Variants in NOS1AP observed in about 807,000 individuals in gnomAD.
NOS1AP encodes carboxyl-terminal PDZ ligand of neuronal nitric oxide synthase protein.
Under a neutral mutation model 56.2 loss-of-function variants are expected in NOS1AP, and 21 were observed. That is an observed-to-expected ratio of 0.37 (90% CI 0.26 to 0.54). NOS1AP has a LOEUF of 0.54. NOS1AP is among the 20% of genes least tolerant of loss of function. The probability of loss-of-function intolerance (pLI) is 0.84; values close to 1 mark genes in which losing one functional copy is unlikely to be tolerated. For missense variants in NOS1AP, 522 were observed against 657.8 expected (o/e 0.79, Z 2.26); for synonymous variants, 270 against 274.6 (o/e 0.98, Z 0.17).
rs193246844 is a variant in NOS1AP at position 162,136,795 on chromosome 1, A to C, written c.106-17610A>C. 1.2e-4 allele frequency among the ~76,000 whole-genome samples: 19 copies of C among 152,318 alleles called. No individual in the cohort carries two copies. In the South Asian group the frequency reaches 3.7e-3, roughly 30 times the overall value. On this transcript the variant is annotated intron_variant, in intron 1 of 9. Coordinates refer to ENST00000361897, the MANE Select transcript of NOS1AP (RefSeq NM_014697.3). ...AAATTGCTTCTCAGCTGGCTGTAGT[A>C]TGAAGGGAGTTGCCTTGGAGCATAC...
chr1:162,174,049 C>CTAA (rs1650937973), intron 2 of NOS1AP, among the ~76,000 whole-genome samples: 1 of 152,106 alleles, frequency 6.6e-6, no homozygotes, highest in African/African-American at 2.4e-5. Context: ...CCCAGCCATC[C>CTAA]CATTACTGGG....
At chr1:162,178,332 A>C (rs1211871227) in intron 2 of NOS1AP, among the ~76,000 whole-genome samples, 1 of 152,222 alleles carries the variant, frequency 6.6e-6, no homozygotes, top group Admixed American at 6.5e-5. Flanking sequence ...TTTTGTGTGG[A>C]CATAAGTTTT....
At chr1:162,357,267 T>G in intron 8 of NOS1AP, 131 bp downstream of exon 8, 1 of 1,481,104 alleles carries the variant, frequency 6.8e-7, no homozygotes, top group Non-Finnish European at 9.1e-7. Context: ...ATTGGATCAT[T>G]GCTTGTTGGG....
intron 1 of NOS1AP, among the ~76,000 whole-genome samples, chr1:162,099,293 T>C (rs1692325422): frequency 2.0e-5 from 3 of 151,830 alleles, no homozygotes; most frequent in African/African-American, 7.3e-5. Flanking sequence ...GTTCACGCCA[T>C]TCTCCTGCCT....
At chr1:162,198,469 G>T (rs1651879210) in intron 2 of NOS1AP, among the ~76,000 whole-genome samples, 1 of 152,070 alleles carries the variant, frequency 6.6e-6, no homozygotes, top group African/African-American at 2.4e-5. Context: ...ACATTTCCAG[G>T]GCTGGATTTA....
intron 1 of NOS1AP, among the ~76,000 whole-genome samples, chr1:162,119,440 A>G (rs566076145): frequency 1.3e-5 from 2 of 152,290 alleles, no homozygotes; most frequent in East Asian, 3.9e-4. Flanking sequence ...CCTTGCTTTT[A>G]GTTTCTGTTT....
intron 1 of NOS1AP, among the ~76,000 whole-genome samples, chr1:162,096,257 G>C (rs1158405364): frequency 6.6e-6 from 1 of 152,160 alleles, no homozygotes; most frequent in African/African-American, 2.4e-5. Flanking sequence ...TGTTCAGAGA[G>C]CTCCAATGAT....
At chr1:162,075,774 CT>C (rs11398400) in intron 1 of NOS1AP, among the ~76,000 whole-genome samples, 2 of 149,726 alleles carry the variant, frequency 1.3e-5, no homozygotes, top group East Asian at 2.0e-4. Context: ...GCCCAGACTA[CT>C]TTTTTTTTTG....
At chr1:162,255,598 A>G (rs1438550263) in intron 2 of NOS1AP, among the ~76,000 whole-genome samples, 1 of 135,366 alleles carries the variant, frequency 7.4e-6, no homozygotes, top group East Asian at 2.2e-4. Context: ...TTCCACTGCT[A>G]TGTGTAAGAT....
chr1:162,204,727 C>T (rs554390136), intron 2 of NOS1AP, among the ~76,000 whole-genome samples: 64 of 152,278 alleles, frequency 4.2e-4, no homozygotes, highest in East Asian at 1.3e-3. Flanking sequence ...CAAAATGGAA[C>T]GGAACAGAGA....
At chr1:162,092,093 A>T (rs1692149221) in intron 1 of NOS1AP, among the ~76,000 whole-genome samples, 1 of 152,178 alleles carries the variant, frequency 6.6e-6, no homozygotes, top group Admixed American at 6.5e-5. Context: ...AAAGGATGGG[A>T]TTGGCATTGC....
At chr1:162,259,596 A>G (rs142867358) in intron 2 of NOS1AP, among the ~76,000 whole-genome samples, 49 of 152,266 alleles carry the variant, frequency 3.2e-4, no homozygotes, top group African/African-American at 4.6e-4. Flanking sequence ...ATATGAGATT[A>G]TTTTTCTTAA....
At chr1:162,289,043 C>T (rs1655177011) in intron 3 of NOS1AP, among the ~76,000 whole-genome samples, 1 of 152,124 alleles carries the variant, frequency 6.6e-6, no homozygotes, top group South Asian at 2.1e-4. Context: ...TGAATTTGAG[C>T]AAAAGATATC....
At chr1:162,203,713 A>T (rs1398432757) in intron 2 of NOS1AP, among the ~76,000 whole-genome samples, 1 of 152,300 alleles carries the variant, frequency 6.6e-6, no homozygotes, top group East Asian at 1.9e-4. Context: ...GTGATAATGC[A>T]TGTGATGTAG....
At chr1:162,187,989 A>G (rs1156754319) in intron 2 of NOS1AP, among the ~76,000 whole-genome samples, 7 of 152,194 alleles carry the variant, frequency 4.6e-5, no homozygotes. Context: ...GTGGTATAAC[A>G]TATTCTTGTC....
At chr1:162,213,544 C>T (rs1227724891) in intron 2 of NOS1AP, among the ~76,000 whole-genome samples, 3 of 152,244 alleles carry the variant, frequency 2.0e-5, no homozygotes, top group African/African-American at 7.2e-5. Flanking sequence ...TCTGTCCTCA[C>T]TGTTGAATTC....
At chr1:162,124,624 G>A (rs1648398704) in intron 1 of NOS1AP, among the ~76,000 whole-genome samples, 1 of 152,044 alleles carries the variant, frequency 6.6e-6, no homozygotes, top group Admixed American at 6.6e-5. Context: ...CCAGGTTCAA[G>A]CGATTTCCTG....
At chr1:162,354,523 T>G (rs148341219) in intron 6 of NOS1AP, among the ~76,000 whole-genome samples, 96 of 152,242 alleles carry the variant, frequency 6.3e-4, no homozygotes, top group Non-Finnish European at 9.4e-4. Flanking sequence ...GTAGAAAAAT[T>G]AGATAAGGAA....
chr1:162,212,535 C>T (rs541912123), intron 2 of NOS1AP, among the ~76,000 whole-genome samples: 4 of 152,272 alleles, frequency 2.6e-5, no homozygotes, highest in East Asian at 1.9e-4. Context: ...CTCTGCCCCC[C>T]GCCACCCCGC....
Sources: allele counts gnomAD v4.1 joint callset (sites outside exome capture counted in the v4.1 genomes callset), GRCh38; gene constraint gnomAD v4.1.1; transcripts MANE v1.5; gene names NCBI Gene and HGNC (gene_info 2026-07-23, HGNC 2026-07-21).